Variants in CCDC178 observed in about 807,000 individuals in gnomAD.
The protein encoded by CCDC178 is coiled-coil domain containing 178.
In CCDC178, 126 loss-of-function variants were observed where a neutral mutation model predicts 117.4. That is an observed-to-expected ratio of 1.07 (90% CI 0.93 to 1.24). CCDC178 has a LOEUF of 1.24. Among genes scored for constraint, CCDC178 ranks in the 50% most tolerant of loss-of-function variants. The pLI is 0.00. For synonymous variants in CCDC178, 283 were observed against 313.4 expected, an observed-to-expected ratio of 0.90 and a Z score of 1.02; for missense variants, 1,030 against 986.9, an observed-to-expected ratio of 1.04 and a Z score of -0.59.
chr18:33,354,083 T>A (rs1406296953), intron 7 of CCDC178, among the ~76,000 whole-genome samples: 1 of 152,210 alleles, frequency 6.6e-6, no homozygotes, highest in Non-Finnish European at 1.5e-5. Flanking sequence ...TTCTTTTTTT[T>A]CTTCTGGCAT....
intron 11 of CCDC178, among the ~76,000 whole-genome samples, chr18:33,320,772 G>A (rs1322965021): frequency 1.3e-5 from 2 of 151,246 alleles, no homozygotes; most frequent in African/African-American, 4.9e-5. Flanking sequence ...AAAAGAGCCT[G>A]CATTGCCAAG....
At chr18:33,224,554 CT>C (rs536205887) in intron 17 of CCDC178, among the ~76,000 whole-genome samples, 109 of 152,216 alleles carry the variant, frequency 7.2e-4, no homozygotes, top group Middle Eastern at 3.4e-3. Context: ...TTGAAACCTG[CT>C]TTTCCCAAGT....
rs138499741 is a variant in CCDC178 at position 33,090,670 on chromosome 18, A to G, written c.2388+2091T>C. Among the ~76,000 whole-genome samples the G allele has an allele frequency of 1.7e-3, 257 of 152,280 alleles. 2 individuals carry two copies. Among genetic ancestry groups the G allele is most frequent in the African/African-American group, 5.9e-3 (247 of 41,566 alleles). ...CCTCTCTGTCCATTGCAGCAAATTGATCCTACATGACACTGACAAGGGCAG... is the reference window on the plus strand; with the variant it reads ...CCTCTCTGTCCATTGCAGCAAATTGGTCCTACATGACACTGACAAGGGCAG... On this transcript the variant is annotated intron_variant, in intron 21 of 22. Transcript: ENST00000383096.
At chr18:33,033,438 T>C (rs945623091) in intron 21 of CCDC178, among the ~76,000 whole-genome samples, 1 of 152,114 alleles carries the variant, frequency 6.6e-6, no homozygotes, top group Non-Finnish European at 1.5e-5. Context: ...ATTTAACTCC[T>C]TCCCTGGCAT....
At chr18:33,246,323 T>TTAGA in intron 14 of CCDC178, among the ~76,000 whole-genome samples, 1 of 151,822 alleles carries the variant, frequency 6.6e-6, no homozygotes, top group East Asian at 2.0e-4. Flanking sequence ...ATGTGGTTCA[T>TTAGA]TAGATGCAGG....
chr18:33,300,467 A>G (rs2062162422), intron 11 of CCDC178, among the ~76,000 whole-genome samples: 1 of 152,324 alleles, frequency 6.6e-6, no homozygotes, highest in South Asian at 2.1e-4. Context: ...GAGAGCTCAG[A>G]AGAAGACAGG....
intron 21 of CCDC178, among the ~76,000 whole-genome samples, chr18:33,086,411 T>C (rs1271750478): frequency 6.7e-6 from 1 of 149,722 alleles, no homozygotes; most frequent in East Asian, 1.9e-4. Context: ...TATATATACA[T>C]ATATAAATAT....
intron 2 of CCDC178, among the ~76,000 whole-genome samples, chr18:33,437,350 G>A (rs990058342): frequency 2.0e-5 from 3 of 152,170 alleles, no homozygotes; most frequent in Non-Finnish European, 4.4e-5. Context: ...TAATTTCCAT[G>A]CAAACTATAA....
intron 15 of CCDC178, among the ~76,000 whole-genome samples, chr18:33,244,197 C>T (rs1217273844): frequency 6.6e-6 from 1 of 151,898 alleles, no homozygotes; most frequent in African/African-American, 2.4e-5. Flanking sequence ...ATGCTAGCAA[C>T]AGATGTTGGA....
rs2054152946 is a variant in CCDC178 at position 32,937,863 on chromosome 18, A to C, written c.*148T>G. 1.6e-6 allele frequency: 1 copy of C among 633,120 alleles called. No homozygotes were observed. The highest frequency in any genetic ancestry group is 1.8e-5 in the African/African-American group (1 of 54,820). 39.2% of individuals were successfully genotyped at this position (633,120 alleles called of 1,614,324 possible). A position where few individuals can be genotyped will look rare whatever the true frequency, so the allele number is the denominator to read the frequency against. ...GTTATGGATTTGCTGTGAGTAAAAG[A>C]GTGGCAAAGCATGCTGGGAGGTGAG... On this transcript the variant is annotated 3_prime_UTR_variant, in exon 23 of 23. Transcript: ENST00000383096.
chr18:32,958,156 G>C, intron 22 of CCDC178: 1 of 542,956 alleles, frequency 1.8e-6, no homozygotes, highest in Non-Finnish European at 3.4e-6. Context: ...CATTACGTTT[G>C]AAGTGGTTCA....
chr18:33,129,760 G>C (rs1430214941), intron 20 of CCDC178, among the ~76,000 whole-genome samples: 1 of 151,848 alleles, frequency 6.6e-6, no homozygotes, highest in African/African-American at 2.4e-5. Flanking sequence ...TTTCTTATGG[G>C]TAGTTGCTAC....
Position 33,293,303 on chromosome 18 carries a change from T to C in CCDC178, c.1032A>G (p.Ile344Met). 4 of 1,494,912 alleles carry C rather than the reference T, an allele frequency of 2.7e-6. No individual in the cohort carries two copies. Among genetic ancestry groups the C allele is most frequent in the Non-Finnish European group, 3.7e-6 (4 of 1,083,162 alleles). 92.6% of individuals were successfully genotyped at this position (1,494,912 alleles called of 1,614,324 possible). A position where few individuals can be genotyped will look rare whatever the true frequency, so the allele number is the denominator to read the frequency against. ...GATCAAATAGACTGTTAAGTTGATA[T>C]ATCTCTCTCCTAGGGATAAAAACAC... ...EKTIEAYKREIYQLNSLFDHY... is the reference protein window; with the variant it reads ...EKTIEAYKREMYQLNSLFDHY... The change falls in exon 12 of 23, where the codon ATA (isoleucine) becomes ATG (methionine). Residue 344 changes from isoleucine to methionine, a missense_variant. Transcript: ENST00000383096.
chr18:33,167,714 A>C (rs990935884), intron 20 of CCDC178, among the ~76,000 whole-genome samples: 5 of 151,964 alleles, frequency 3.3e-5, no homozygotes, highest in Admixed American at 3.3e-4. Context: ...AAATACAAAA[A>C]AAAATACCCG....
chr18:32,973,936 G>T (rs958982100), intron 22 of CCDC178, among the ~76,000 whole-genome samples: 1 of 152,054 alleles, frequency 6.6e-6, no homozygotes, highest in African/African-American at 2.4e-5. Context: ...TAATATTTAA[G>T]AATTGTCTTC....
rs2063231456 is a variant in CCDC178, at chr18:33,367,675, TGCA to T, written c.348+2372_348+2374del. Among the ~76,000 whole-genome samples the T allele has an allele frequency of 7.8e-4, 119 of 152,116 alleles. 2 individuals are homozygous for T. In the South Asian group the frequency reaches 0.024, roughly 31 times the overall value. On this transcript the variant is annotated intron_variant, in intron 6 of 22. Transcript: ENST00000383096. The stretch of plus-strand genomic sequence containing the variant: ...ATTCTTAAAATATTAGTTCAAATAC[TGCA>T]TAGATTTGAACTAAATATCTAATGG...
chr18:33,107,788 C>A (rs1598890321), intron 20 of CCDC178, among the ~76,000 whole-genome samples: 1 of 151,714 alleles, frequency 6.6e-6, no homozygotes, highest in East Asian at 1.9e-4. Context: ...TTTAGAGAGT[C>A]CTAATTTGTT....
At chr18:33,348,433 T>C (rs1407161949) in intron 8 of CCDC178, among the ~76,000 whole-genome samples, 1 of 151,960 alleles carries the variant, frequency 6.6e-6, no homozygotes, top group Non-Finnish European at 1.5e-5. Context: ...ATTTTCAATA[T>C]GGTAGTCATC....
At chr18:33,263,968 A>C (rs900406750) in intron 14 of CCDC178, among the ~76,000 whole-genome samples, 2 of 152,116 alleles carry the variant, frequency 1.3e-5, no homozygotes, top group Non-Finnish European at 2.9e-5. Flanking sequence ...GAGCTAGAAG[A>C]ATAAGAAGTA....
Sources: allele counts gnomAD v4.1 joint callset (sites outside exome capture counted in the v4.1 genomes callset), GRCh38; gene constraint gnomAD v4.1.1; transcripts MANE v1.5; gene names NCBI Gene and HGNC (gene_info 2026-07-23, HGNC 2026-07-21).